The following ANK1 variants were observed in gnomAD, a reference collection of about 807,000 sequenced individuals.
The protein encoded by ANK1 is ankyrin-1.
A neutral mutation model predicts 210.4 loss-of-function variants in ANK1; 51 were observed. The ratio of observed to expected loss-of-function variants is 0.24; its 90% CI spans 0.19 to 0.31. The LOEUF (loss-of-function observed/expected upper bound fraction) is 0.31. Ranked by LOEUF, ANK1 falls within the 10% of genes least tolerant of loss-of-function variation. The pLI is 1.00. For synonymous variants in ANK1, 967 were observed against 1,025.9 expected (o/e 0.94, Z 1.10); for missense variants, 2,051 against 2,504.4 (o/e 0.82, Z 3.86).
At chr8:41,715,957 T>A in intron 13 of ANK1, 108 bp from the exon 14 acceptor site, 3 of 1,274,936 alleles carry the variant, frequency 2.4e-6, no homozygotes, top group East Asian at 2.4e-5. Flanking sequence ...AGTGACCTTC[T>A]CAAGGTCACA....
intron 37 of ANK1, among the ~76,000 whole-genome samples, chr8:41,678,353 G>A (rs1412422796): frequency 6.6e-6 from 1 of 152,138 alleles, no homozygotes; most frequent in African/African-American, 2.4e-5. Flanking sequence ...TGTTGGCCAG[G>A]CTGGTCTCGA....
At position 41,661,439 on chromosome 8, in the gene ANK1, G is replaced by C; in HGVS notation, c.*27C>G. 1 of 1,614,050 alleles carries C rather than the reference G, an allele frequency of 6.2e-7. No homozygotes were observed. The highest frequency in any genetic ancestry group is 8.5e-7 in the Non-Finnish European group (1 of 1,180,034). ...AGAAGGGCAGCGTTACCTCCCGAGA[G>C]GCTACTCCAAGGAGAGCGGCTCGGG... is the stretch of plus-strand genomic sequence containing the variant. On this transcript the variant is annotated 3_prime_UTR_variant, in exon 42 of 43. Transcript: ENST00000289734.
At chr8:41,753,465 G>T (rs1201271898) in intron 2 of ANK1, among the ~76,000 whole-genome samples, 1 of 152,000 alleles carries the variant, frequency 6.6e-6, no homozygotes, top group Non-Finnish European at 1.5e-5. Context: ...TTAACATCTG[G>T]TGCAGCTGGT....
chr8:41,669,581 A>AC (rs1376189394), intron 38 of ANK1, among the ~76,000 whole-genome samples: 2 of 152,012 alleles, frequency 1.3e-5, no homozygotes, highest in African/African-American at 4.8e-5. Context: ...AGCCTGTCCC[A>AC]CCCCATCCCT....
chr8:41,664,701 C>T (rs542787886), intron 39 of ANK1: 8 of 1,170,480 alleles, frequency 6.8e-6, no homozygotes, highest in East Asian at 2.6e-5. Flanking sequence ...TTTCCTCCGG[C>T]GTCTCCCAAC....
intron 1 of ANK1, among the ~76,000 whole-genome samples, chr8:41,767,127 G>T (rs1841999273): frequency 6.6e-6 from 1 of 152,170 alleles, no homozygotes; most frequent in African/African-American, 2.4e-5. Context: ...GCAGCCTTCA[G>T]GCCAGAGGAA....
intron 1 of ANK1, among the ~76,000 whole-genome samples, chr8:41,894,106 C>T (rs1441283624): frequency 6.6e-6 from 1 of 152,170 alleles, no homozygotes; most frequent in Non-Finnish European, 1.5e-5. Context: ...AGAAAACTCA[C>T]AGCCCTTACA....
In ANK1 at chr8:41,820,012, T is replaced by C. The variant is rs769164606; in HGVS notation, c.127-61875A>G. 4.8e-4 allele frequency among the ~76,000 whole-genome samples: 73 copies of C among 152,174 alleles called. 1 individual carries two copies. Among genetic ancestry groups the C allele is most frequent in the Non-Finnish European group, 1.5e-5 (1 of 68,034 alleles). The stretch of plus-strand genomic sequence containing the variant: ...TCCCGCCCTGGGAGTCTCCTCCTTA[T>C]GACACATGACACAAAAGACACAGGC... On this transcript the variant is annotated intron_variant, in intron 1 of 42. Transcript: ENST00000265709.
intron 3 of ANK1, among the ~76,000 whole-genome samples, chr8:41,728,506 A>G (rs189613333): frequency 1.3e-5 from 2 of 152,254 alleles, no homozygotes; most frequent in African/African-American, 4.8e-5. Context: ...AGGCTTCACC[A>G]CTACACAATG....
At chr8:41,713,475 T>C (rs1826744842) in intron 16 of ANK1, among the ~76,000 whole-genome samples, 1 of 152,198 alleles carries the variant, frequency 6.6e-6, no homozygotes, top group Non-Finnish European at 1.5e-5. Flanking sequence ...CCCTCAAGGG[T>C]CACGGAACCT....
At chr8:41,681,767 G>A (rs1161924027) in intron 37 of ANK1, among the ~76,000 whole-genome samples, 2 of 136,004 alleles carry the variant, frequency 1.5e-5, no homozygotes, top group African/African-American at 5.7e-5. Context: ...TGACTGTCCT[G>A]CCACCTTCTC....
At chr8:41,664,293 G>C (rs943321308) in intron 39 of ANK1, 2 of 393,936 alleles carry the variant, frequency 5.1e-6, no homozygotes, top group Non-Finnish European at 1.0e-5. Context: ...GCAACATAGC[G>C]AGCCCCCATC....
chr8:41,789,190 T>C (rs1276859899), intron 1 of ANK1: 3 of 152,284 alleles, frequency 2.0e-5, no homozygotes, highest in Non-Finnish European at 4.4e-5. Context: ...CTGTTTCCTA[T>C]TCCATACTTT....
intron 16 of ANK1, among the ~76,000 whole-genome samples, chr8:41,712,923 G>A (rs528519180): frequency 1.3e-5 from 2 of 152,282 alleles, no homozygotes; most frequent in African/African-American, 2.4e-5. Context: ...ACATCGCAGC[G>A]GGGCCGTGTG....
intron 1 of ANK1, among the ~76,000 whole-genome samples, chr8:41,843,212 T>G (rs1438172103): frequency 2.0e-5 from 3 of 152,200 alleles, no homozygotes; most frequent in African/African-American, 4.8e-5. Context: ...TGCAAATTCA[T>G]GCGGTACGTG....
rs1197670855 is a variant in ANK1, at chr8:41,706,159, A to G, written c.2081T>C (p.Val694Ala). 6.2e-7 allele frequency: 1 copy of G among 1,613,992 alleles called. No homozygotes were observed. The highest frequency in any genetic ancestry group is 1.3e-5 in the African/African-American group (1 of 75,058). ...CTGCCTTACCCGGGTGGTGGCGTCC[A>G]CCATGACGCCGTGTTTGATCAGCAC... is the stretch of plus-strand genomic sequence containing the variant. ...ADVLIKHGVM[V>A]DATTRMGYTP... is the part of the protein sequence containing the mutation. The change falls in exon 18 of 43, where the codon GTG (valine) becomes GCG (alanine). Residue 694 changes from valine to alanine, a missense_variant. Transcript: ENST00000289734.
At position 41,713,466 on chromosome 8, in the gene ANK1, C is replaced by T. The variant is rs975413833; in HGVS notation, c.1800+690G>A. Among the ~76,000 whole-genome samples, 3 of 152,226 alleles carry T rather than the reference C, an allele frequency of 2.0e-5. No individual in the cohort carries two copies. In the South Asian group the frequency reaches 6.2e-4, roughly 32 times the overall value. ...ACCCATCTGCTCCCTCCTCTGATTC[C>T]CTCAAGGGTCACGGAACCTGCTGCT... On this transcript the variant is annotated intron_variant, in intron 16 of 42. Coordinates refer to ENST00000289734, the MANE Select transcript of ANK1 (RefSeq NM_000037.4).
intron 1 of ANK1, among the ~76,000 whole-genome samples, chr8:41,873,050 T>C (rs1023697064): frequency 6.6e-6 from 1 of 152,240 alleles, no homozygotes; most frequent in African/African-American, 2.4e-5. Flanking sequence ...AAGCCAGCCA[T>C]GCTGAACGAG....
intron 38 of ANK1, among the ~76,000 whole-genome samples, chr8:41,670,066 A>T (rs546320920): frequency 6.7e-6 from 1 of 149,976 alleles, no homozygotes; most frequent in Non-Finnish European, 1.5e-5. Context: ...TTCCACACAC[A>T]CGCCTACCTC....
Sources: allele counts gnomAD v4.1 joint callset (sites outside exome capture counted in the v4.1 genomes callset), GRCh38; gene constraint gnomAD v4.1.1; transcripts MANE v1.5; gene names NCBI Gene and HGNC (gene_info 2026-07-23, HGNC 2026-07-21).